ADGRV1: variants seen among roughly 807,000 people sequenced by gnomAD.
The protein encoded by ADGRV1 is adhesion G protein-coupled receptor V1, also known as G-protein coupled receptor 98.
Under a neutral mutation model 596.2 loss-of-function variants are expected in ADGRV1, and 359 were observed. That is an observed-to-expected ratio of 0.60 (90% CI 0.55 to 0.66). The LOEUF is 0.66. ADGRV1 is among the 30% of genes least tolerant of loss of function. The pLI, the probability that ADGRV1 is intolerant of heterozygous loss-of-function variation, is 0.00. For missense variants in ADGRV1, 7,274 were observed against 7,575.6 expected (o/e 0.96, Z 1.48); for synonymous variants, 2,681 against 2,679.2 (o/e 1.00, Z -0.02).
rs1760004222 is a variant in ADGRV1 at position 90,790,961 on chromosome 5, A to C, written c.14132A>C (p.Glu4711Ala). Residue 4711 changes from glutamate (E) to alanine (A), a missense_variant, in exon 70 of 90, where the codon GAA (glutamate) becomes GCA (alanine). Physicochemically the swap from Glu to Ala is moderately radical, Grantham distance 107. Around this residue, in one of 5 missense-constraint regions of ADGRV1, gnomAD observed 1,874 missense variants for 1,970.2 expected, o/e 0.95. Coordinates refer to ENST00000405460, the MANE Select transcript of ADGRV1 (RefSeq NM_032119.4). Reference protein sequence around the residue: ...GFFTIADGESEASFDVHLLPD... With the variant: ...GFFTIADGESAASFDVHLLPD... ...TTCACCATTGCTGATGGAGAGAGTG[A>C]AGCTAGCTTTGATGTTCATTTGCTA... 6.2e-7 allele frequency: 1 copy of C among 1,613,024 alleles called. No homozygotes were observed. Among genetic ancestry groups the C allele is most frequent in the Non-Finnish European group, 8.5e-7 (1 of 1,179,838 alleles).
intron 83 of ADGRV1, among the ~76,000 whole-genome samples, chr5:90,876,063 C>T (rs990958698): frequency 6.6e-6 from 1 of 152,076 alleles, no homozygotes; most frequent in Non-Finnish European, 1.5e-5. Context: ...ATGTTTAGGT[C>T]ATGTTTATAA....
intron 59 of ADGRV1, among the ~76,000 whole-genome samples, chr5:90,772,881 T>C (rs1322592460): frequency 6.6e-6 from 1 of 152,120 alleles, no homozygotes; most frequent in Non-Finnish European, 1.5e-5. Flanking sequence ...AAATAATACA[T>C]TGAGTCTGAT....
intron 59 of ADGRV1, among the ~76,000 whole-genome samples, chr5:90,771,650 A>C (rs968091710): frequency 3.9e-5 from 6 of 152,216 alleles, no homozygotes; most frequent in African/African-American, 1.4e-4. Context: ...AAAGGTTTTA[A>C]ATTTTTTAAA....
intron 10 of ADGRV1, among the ~76,000 whole-genome samples, chr5:90,635,941 A>G (rs999872868): frequency 2.7e-5 from 4 of 148,932 alleles, no homozygotes; most frequent in African/African-American, 9.9e-5. Flanking sequence ...ACATGGTACC[A>G]CAGGTGTGCT....
At chr5:91,028,435 C>T (rs972451636) in intron 85 of ADGRV1, among the ~76,000 whole-genome samples, 1 of 152,136 alleles carries the variant, frequency 6.6e-6, no homozygotes, top group African/African-American at 2.4e-5. Flanking sequence ...ACACTTCAGG[C>T]CGACTTTGAT....
chr5:91,066,437 C>T (rs1787888582), intron 85 of ADGRV1, among the ~76,000 whole-genome samples: 1 of 151,990 alleles, frequency 6.6e-6, no homozygotes, highest in African/African-American at 2.4e-5. Flanking sequence ...GAATATAGTT[C>T]ATTTATCTTG....
intron 61 of ADGRV1, 30 bp downstream of exon 61, chr5:90,776,606 T>C (rs755108745): frequency 1.2e-6 from 2 of 1,610,416 alleles, no homozygotes; most frequent in South Asian, 2.2e-5. Flanking sequence ...TCTTTGCCTA[T>C]ATGGGGGTTA....
At chr5:91,037,902 A>C (rs1159128763) in intron 85 of ADGRV1, among the ~76,000 whole-genome samples, 1 of 152,240 alleles carries the variant, frequency 6.6e-6, no homozygotes, top group African/African-American at 2.4e-5. Context: ...GATAGGCCAC[A>C]GTCAAAATGC....
At position 90,705,584 on chromosome 5, in the gene ADGRV1, G is replaced by T; in HGVS notation, c.8566+5G>T. 6.2e-7 allele frequency: 1 copy of T among 1,610,984 alleles called. No individual in the cohort carries two copies. The highest frequency in any genetic ancestry group is 8.5e-7 in the Non-Finnish European group (1 of 1,177,910). ...ACAGAGAATTTGGATCTCTAGGTTT[G>T]TGTTACTCTAGAATGAATGGGGTTT... On this transcript the variant is annotated splice_donor_5th_base_variant and intron_variant, in intron 37 of 89. Transcript: ENST00000405460.
At chr5:90,559,003 G>C (rs1165184125) in intron 1 of ADGRV1, 86 bp downstream of exon 1, 1 of 1,218,802 alleles carries the variant, frequency 8.2e-7, no homozygotes, top group South Asian at 1.6e-5. Context: ...CTGCAGGTGG[G>C]CGGCGAGGGC....
chr5:91,122,519 C>G (rs1340872451), intron 87 of ADGRV1, among the ~76,000 whole-genome samples: 1 of 152,182 alleles, frequency 6.6e-6, no homozygotes, highest in East Asian at 1.9e-4. Flanking sequence ...CTGCTCTAGT[C>G]ATAGCACATT....
At position 90,914,972 on chromosome 5, in the gene ADGRV1, T is replaced by G. The variant is rs930283013; in HGVS notation, c.17857-50443T>G. On this transcript the variant is annotated intron_variant, in intron 83 of 89. Transcript: ENST00000405460. ...CCCCTAAAAACTGGATGAGTTGTGATGTAACTTTTTTTCTTCTAAGAAATT... is the reference window on the plus strand; with the variant it reads ...CCCCTAAAAACTGGATGAGTTGTGAGGTAACTTTTTTTCTTCTAAGAAATT... 8.5e-5 allele frequency among the ~76,000 whole-genome samples: 13 copies of G among 152,242 alleles called. 1 individual carries two copies. The highest frequency in any genetic ancestry group is 2.7e-4 in the African/African-American group (11 of 41,464).
rs938988847 is a variant in ADGRV1 at position 90,628,931 on chromosome 5, G to A, written c.1509+99G>A. The A allele has an allele frequency of 7.2e-6, 8 of 1,116,466 alleles. No individual in the cohort carries two copies. In the Admixed American group the frequency reaches 8.5e-5, roughly 12 times the overall value. 69.2% of individuals were successfully genotyped at this position (1,116,466 alleles called of 1,614,324 possible). A position where few individuals can be genotyped will look rare whatever the true frequency, so the allele number is the denominator to read the frequency against. ...CATCAACTTTATGTTTAGTTTGAAG[G>A]GACAGGAAAAACACTGGCTTTGCAA... On this transcript the variant is annotated intron_variant, in intron 8 of 89. Coordinates refer to ENST00000405460, the MANE Select transcript of ADGRV1 (RefSeq NM_032119.4).
intron 83 of ADGRV1, among the ~76,000 whole-genome samples, chr5:90,927,909 A>G (rs1774693288): frequency 6.6e-6 from 1 of 152,150 alleles, no homozygotes; most frequent in African/African-American, 2.4e-5. Flanking sequence ...TTGGCTGGAT[A>G]TGAAATTCTG....
chr5:90,957,021 A>T (rs762277281), intron 83 of ADGRV1, among the ~76,000 whole-genome samples: 37 of 152,202 alleles, frequency 2.4e-4, no homozygotes, highest in Non-Finnish European at 5.3e-4. Flanking sequence ...AGAAAAAAAA[A>T]AGTAAACATG....
chr5:91,074,205 G>A (rs1486237065), intron 86 of ADGRV1, among the ~76,000 whole-genome samples: 1 of 152,010 alleles, frequency 6.6e-6, no homozygotes, highest in Admixed American at 6.6e-5. Flanking sequence ...AGGTATATGT[G>A]CATGTTTATT....
At chr5:91,061,131 A>G (rs1787395624) in intron 85 of ADGRV1, among the ~76,000 whole-genome samples, 1 of 152,182 alleles carries the variant, frequency 6.6e-6, no homozygotes, top group Non-Finnish European at 1.5e-5. Flanking sequence ...GCAAGAGGTA[A>G]GAACAGGACA....
In ADGRV1 at chr5:90,684,063, C is replaced by T. The variant is rs771950377; in HGVS notation, c.6142C>T (p.Leu2048Phe). 8.1e-6 allele frequency: 13 copies of T among 1,613,904 alleles called. No individual in the cohort carries two copies. Among genetic ancestry groups the T allele is most frequent in the Non-Finnish European group, 1.1e-5 (13 of 1,179,870 alleles). The change falls in exon 28 of 90, where the codon CTT becomes TTT. Residue 2048 changes from leucine to phenylalanine, a missense_variant. Leu to Phe is a conservative substitution (Grantham distance 22). Transcript: ENST00000405460. ...CTATATACCAGCTTCTGGATTTGCT[C>T]TTTTTGGAGCTAATCAGAGTGAGGC... Reference protein sequence around the residue: ...RDYIPASGFALFGANQSEATI... With the variant: ...RDYIPASGFAFFGANQSEATI...
intron 89 of ADGRV1, among the ~76,000 whole-genome samples, chr5:91,160,540 G>C (rs1018868559): frequency 1.3e-5 from 2 of 152,160 alleles, no homozygotes; most frequent in East Asian, 3.8e-4. Flanking sequence ...TGAAGCTCAT[G>C]ATGAATGTAA....
Sources: allele counts gnomAD v4.1 joint callset (sites outside exome capture counted in the v4.1 genomes callset), GRCh38; gene constraint gnomAD v4.1.1; regional missense constraint gnomAD v4.1.1; transcripts MANE v1.5; gene names NCBI Gene and HGNC (gene_info 2026-07-23, HGNC 2026-07-21).